The following CLTCL1 variants were observed in gnomAD, a reference collection of about 807,000 sequenced individuals.
The protein encoded by CLTCL1 is clathrin heavy chain 2.
CLTCL1 carries 159 observed loss-of-function variants against 190.0 expected under a neutral mutation model. The ratio of observed to expected loss-of-function variants is 0.84; its 90% CI spans 0.74 to 0.95. The LOEUF (loss-of-function observed/expected upper bound fraction) is 0.95. CLTCL1 is among the 40% of genes least tolerant of loss of function. The pLI, the probability that CLTCL1 is intolerant of heterozygous loss-of-function variation, is 0.00. For synonymous variants in CLTCL1, 752 were observed against 769.6 expected, an observed-to-expected ratio of 0.98 and a Z score of 0.38; for missense variants, 1,878 against 2,033.4, an observed-to-expected ratio of 0.92 and a Z score of 1.47.
chr22:19,187,917 A>C, intron 28 of CLTCL1, 64 bp downstream of exon 28: 1 of 1,513,398 alleles, frequency 6.6e-7, no homozygotes, highest in East Asian at 2.3e-5. Flanking sequence ...CTTTGAGAAC[A>C]GAATGGCAGT....
chr22:19,287,187 A>G (rs2087936742), intron 1 of CLTCL1, among the ~76,000 whole-genome samples: 1 of 152,166 alleles, frequency 6.6e-6, no homozygotes, highest in African/African-American at 2.4e-5. Context: ...TCACATTTGA[A>G]TATTTCTAAA....
At chr22:19,284,879 G>A (rs901336639) in intron 1 of CLTCL1, among the ~76,000 whole-genome samples, 11 of 151,902 alleles carry the variant, frequency 7.2e-5, no homozygotes, top group Non-Finnish European at 1.5e-4. Context: ...CGCTTGAACC[G>A]GGGAGGCAGA....
intron 22 of CLTCL1, among the ~76,000 whole-genome samples, chr22:19,204,633 G>A (rs1253880198): frequency 1.3e-5 from 2 of 152,164 alleles, no homozygotes; most frequent in Non-Finnish European, 2.9e-5. Context: ...TTAATAAAAG[G>A]TGATGAATGC....
Position 19,198,072 on chromosome 22 carries a change from A to T in CLTCL1, c.3874-1416T>A, listed in dbSNP as rs1027720738. 1.3e-5 allele frequency among the ~76,000 whole-genome samples: 2 copies of T among 152,070 alleles called. No homozygotes were observed. The highest frequency in any genetic ancestry group is 4.8e-5 in the African/African-American group (2 of 41,388). ...CTTAGCACCATGTGTCCAAAAAGTA[A>T]TTCTTGTCCTTCCCTCCCGTGCTGC... On this transcript the variant is annotated intron_variant, in intron 24 of 32. Coordinates refer to ENST00000427926, the MANE Select transcript of CLTCL1 (RefSeq NM_007098.4). The surrounding 1 kb of genome is among the most constrained non-coding windows in gnomAD (Gnocchi z 4.1).
At chr22:19,285,799 G>C (rs1423638752) in intron 1 of CLTCL1, among the ~76,000 whole-genome samples, 1 of 152,190 alleles carries the variant, frequency 6.6e-6, no homozygotes, top group Non-Finnish European at 1.5e-5. Context: ...AGAAGGGGGT[G>C]ACAGGGTGCC....
rs2085862626 is a variant in CLTCL1 at position 19,229,856 on chromosome 22, G to A, written c.1764C>T (p.Asn588=). 1 of 1,609,872 alleles carries A rather than the reference G, an allele frequency of 6.2e-7. No homozygotes were observed. Among genetic ancestry groups the A allele is most frequent in the African/African-American group, 1.3e-5 (1 of 74,680 alleles). The part of the protein sequence containing the change: ...GLLQTWLLEM[N]LVHAPQVADA... Reference sequence around the variant, plus strand: ...CACTGACCTGGGGTGCATGAACAAGGTTCATCTCCAACAGCCATGTCTGCA... The same window carrying A: ...CACTGACCTGGGGTGCATGAACAAGATTCATCTCCAACAGCCATGTCTGCA... Residue 588 remains asparagine, a synonymous_variant, in exon 11 of 33, where the codon AAC becomes AAT. Coordinates refer to ENST00000427926, the MANE Select transcript of CLTCL1 (RefSeq NM_007098.4).
intron 1 of CLTCL1, among the ~76,000 whole-genome samples, chr22:19,281,225 G>T (rs2087701469): frequency 6.6e-6 from 1 of 151,402 alleles, no homozygotes; most frequent in Non-Finnish European, 1.5e-5. Flanking sequence ...AACCCAGGAG[G>T]CAGAGCTTGC....
Position 19,226,376 on chromosome 22 carries a change from T to A in CLTCL1, c.1790A>T (p.Asp597Val). 6.2e-7 allele frequency: 1 copy of A among 1,613,990 alleles called. No individual in the cohort carries two copies. The highest frequency in any genetic ancestry group is 1.1e-5 in the South Asian group (1 of 91,080). ...MNLVHAPQVA[D>V]AILGNKMFTH... ...AAACATTTTATTTCCAAGGATGGCA[T>A]CTGCAACCTATGAAACAGGGAGTTC... Residue 597 changes from aspartate to valine, a missense_variant, in exon 12 of 33, where the codon GAT (aspartate) becomes GTT (valine). Physicochemically the swap from Asp to Val is radical, Grantham distance 152 (BLOSUM62 -3). Coordinates refer to ENST00000427926, the MANE Select transcript of CLTCL1 (RefSeq NM_007098.4).
At chr22:19,287,582 G>T (rs1555990865) in intron 1 of CLTCL1, among the ~76,000 whole-genome samples, 1 of 152,174 alleles carries the variant, frequency 6.6e-6, no homozygotes, top group African/African-American at 2.4e-5. Flanking sequence ...CATGTTGCCT[G>T]TGTGCTGGAG....
At chr22:19,183,348 G>A (rs1555926628) in intron 30 of CLTCL1, 42 bp downstream of exon 30, 12 of 1,565,552 alleles carry the variant, frequency 7.7e-6, no homozygotes, top group African/African-American at 1.4e-5. Flanking sequence ...GTTGGGTCAT[G>A]CCACACAGGG....
Position 19,205,484 on chromosome 22 carries a change from T to C in CLTCL1, c.3600+2670A>G, listed in dbSNP as rs573212663. Among the ~76,000 whole-genome samples the C allele has an allele frequency of 2.5e-4, 38 of 152,360 alleles. No individual in the cohort carries two copies. In the South Asian group the frequency reaches 7.7e-3, roughly 31 times the overall value. ...GAGATCGTGCCACTGCACTGTAGCC[T>C]GGGTGACAGAGGAGACCCTGTTTCA... On this transcript the variant is annotated intron_variant, in intron 22 of 32. Coordinates refer to ENST00000427926, the MANE Select transcript of CLTCL1 (RefSeq NM_007098.4).
chr22:19,196,961 G>C (rs1353829411), intron 24 of CLTCL1, among the ~76,000 whole-genome samples: 2 of 152,114 alleles, frequency 1.3e-5, no homozygotes, highest in African/African-American at 2.4e-5. Context: ...GTGGTAACAG[G>C]GTCTGGGAAT....
chr22:19,243,934 T>A lies in CLTCL1; in HGVS notation c.520-998A>T, dbSNP rs1016239139. Among the ~76,000 whole-genome samples the A allele has an allele frequency of 1.2e-4, 18 of 152,042 alleles. No homozygotes were observed. The South Asian group carries it at 1.5e-3, about 12-fold the overall frequency. On this transcript the variant is annotated intron_variant, in intron 3 of 32. Coordinates refer to ENST00000427926, the MANE Select transcript of CLTCL1 (RefSeq NM_007098.4). ...GGATGGTCTCGATATCCTGACGTCG[T>A]GATCTGCCTGCCTCAGCCTCCCAAA...
intron 1 of CLTCL1, among the ~76,000 whole-genome samples, chr22:19,281,073 G>A (rs531189407): frequency 4.0e-5 from 6 of 151,788 alleles, no homozygotes; most frequent in Admixed American, 3.3e-4. Flanking sequence ...GGCAGATCAC[G>A]AGGTCAGGAG....
At chr22:19,227,674 C>T (rs1018188280) in intron 11 of CLTCL1, among the ~76,000 whole-genome samples, 3 of 152,050 alleles carry the variant, frequency 2.0e-5, no homozygotes, top group East Asian at 3.9e-4. Context: ...AGGCTGGTCT[C>T]GATCTCTTGA....
chr22:19,188,056 C>T lies in CLTCL1; in HGVS notation c.4359G>A (p.Arg1453=), dbSNP rs556588505. ...TCTTGTTGTTGTGGCTCTGGACTGA[C>T]CGCAGGTAAGGCTTCACCAGGGGCA... ...GQLPLVKPYL[R]SVQSHNNKSV... is the part of the protein sequence containing the mutation. The change falls in exon 28 of 33, where the codon CGG becomes CGA. Residue 1453 remains arginine, a synonymous_variant. Transcript: ENST00000427926. 58 of 1,613,914 alleles carry T rather than the reference C, an allele frequency of 3.6e-5. No individual in the cohort carries two copies. Among genetic ancestry groups the T allele is most frequent in the Admixed American group, 6.7e-5 (4 of 60,002 alleles).
chr22:19,272,841 C>T (rs986238735), intron 2 of CLTCL1, among the ~76,000 whole-genome samples: 1 of 152,126 alleles, frequency 6.6e-6, no homozygotes, highest in Admixed American at 6.5e-5. Flanking sequence ...TGCAGTGGCA[C>T]GATAATAGCT....
At chr22:19,226,493 C>T in intron 11 of CLTCL1, 110 bp from the exon 12 acceptor site, 2 of 1,221,206 alleles carry the variant, frequency 1.6e-6, no homozygotes, top group Non-Finnish European at 2.3e-6. Flanking sequence ...CCAGAACTCA[C>T]AGGCCCCTGT....
intron 19 of CLTCL1, among the ~76,000 whole-genome samples, chr22:19,210,839 A>G (rs1288083455): frequency 3.3e-5 from 5 of 152,132 alleles, no homozygotes; most frequent in Admixed American, 1.3e-4. Flanking sequence ...TTTGTGATTC[A>G]TTATAGCTTT....
Sources: allele counts gnomAD v4.1 joint callset (sites outside exome capture counted in the v4.1 genomes callset), GRCh38; gene constraint gnomAD v4.1.1; non-coding constraint Gnocchi (gnomAD v3.1); transcripts MANE v1.5; gene names NCBI Gene and HGNC (gene_info 2026-07-23, HGNC 2026-07-21).